Variants in CRPPA observed in about 807,000 individuals in gnomAD.
CRPPA encodes CDP-L-ribitol pyrophosphorylase A, also known as D-ribitol-5-phosphate cytidylyltransferase.
CRPPA carries 43 observed loss-of-function variants against 52.0 expected under a neutral mutation model. The ratio of observed to expected loss-of-function variants is 0.83; its 90% CI spans 0.65 to 1.07. CRPPA has a LOEUF of 1.07. Ranked by LOEUF, CRPPA falls within the 50% of genes least tolerant of loss-of-function variation. The pLI is 0.00. For synonymous variants in CRPPA, 250 were observed against 203.5 expected, an observed-to-expected ratio of 1.23 and a Z score of -1.94; for missense variants, 629 against 551.7, an observed-to-expected ratio of 1.14 and a Z score of -1.40.
intron 9 of CRPPA, among the ~76,000 whole-genome samples, chr7:16,162,466 T>C (rs1173365523): frequency 2.6e-5 from 4 of 152,204 alleles, no homozygotes; most frequent in Non-Finnish European, 5.9e-5. Context: ...GGTTGTTCAG[T>C]TTCCACGTAG....
chr7:16,352,879 GCACACACACA>G (rs56733439), intron 3 of CRPPA, among the ~76,000 whole-genome samples: 3,698 of 142,392 alleles, frequency 0.026, 80 homozygotes, highest in Middle Eastern at 0.056. Flanking sequence ...AAGTAACATG[GCACACACACA>G]CACACACACA....
rs1583472867 is a variant in CRPPA, at chr7:16,258,782, C to G, written c.1026+138G>C. The G allele has an allele frequency of 1.1e-5, 6 of 565,116 alleles. No individual in the cohort carries two copies. In the East Asian group the frequency reaches 1.8e-4, roughly 17 times the overall value. 35.0% of individuals were successfully genotyped at this position (565,116 alleles called of 1,614,324 possible). ...AATTAGCTTGTTGAAAGTATTATTT[C>G]TCTTTCAAAGATAAAATCTCCAAAA... On this transcript the variant is annotated intron_variant, in intron 7 of 9. Coordinates refer to ENST00000407010, the MANE Select transcript of CRPPA (RefSeq NM_001101426.4).
intron 9 of CRPPA, among the ~76,000 whole-genome samples, chr7:16,107,790 C>T (rs1398963682): frequency 6.6e-6 from 1 of 151,808 alleles, no homozygotes; most frequent in Non-Finnish European, 1.5e-5. Flanking sequence ...AAAAACACTA[C>T]TAATAAATAT....
intron 9 of CRPPA, among the ~76,000 whole-genome samples, chr7:16,186,781 TA>T (rs1781512312): frequency 6.7e-6 from 1 of 148,786 alleles, no homozygotes; most frequent in African/African-American, 2.5e-5. Flanking sequence ...AGTTCCCAAA[TA>T]TACACAGAGG....
rs747218920 is a variant in CRPPA, at chr7:16,091,756, A to G, written c.1295T>C (p.Ile432Thr). The change falls in exon 10 of 10, where the codon ATT (isoleucine) becomes ACT (threonine). Residue 432 changes from isoleucine to threonine, a missense_variant. By Grantham distance (89) the Ile-to-Thr change is moderately conservative. Transcript: ENST00000407010. ...LQESLRQGAI[I>T]IASLIKERNS... is the part of the protein sequence containing the mutation. Reference sequence around the variant, plus strand: ...TCTTTCCTTGATTAATGAAGCAATAATGATAGCACCTTGCCTTAAACTCTC... The same window carrying G: ...TCTTTCCTTGATTAATGAAGCAATAGTGATAGCACCTTGCCTTAAACTCTC... 23 of 1,563,654 alleles carry G rather than the reference A, an allele frequency of 1.5e-5. No individual in the cohort carries two copies. Among genetic ancestry groups the G allele is most frequent in the Non-Finnish European group, 2.0e-5 (23 of 1,152,678 alleles).
At chr7:16,363,609 A>G (rs1786514246) in intron 3 of CRPPA, among the ~76,000 whole-genome samples, 1 of 152,178 alleles carries the variant, frequency 6.6e-6, no homozygotes, top group African/African-American at 2.4e-5. Context: ...AAATTTGATA[A>G]AGTCTTTATC....
intron 9 of CRPPA, among the ~76,000 whole-genome samples, chr7:16,172,116 A>T (rs1781200172): frequency 2.0e-5 from 3 of 152,142 alleles, no homozygotes; most frequent in Non-Finnish European, 4.4e-5. Context: ...CCTCCTACAC[A>T]TTCTTTACTT....
chr7:16,419,721 C>A (rs1019469557), intron 1 of CRPPA, among the ~76,000 whole-genome samples: 1 of 152,006 alleles, frequency 6.6e-6, no homozygotes, highest in Admixed American at 6.6e-5. Flanking sequence ...CAGAAGACAC[C>A]AAGAAAACCT....
chr7:16,108,396 T>A (rs1411159640), intron 9 of CRPPA, among the ~76,000 whole-genome samples: 5 of 151,702 alleles, frequency 3.3e-5, no homozygotes, highest in African/African-American at 1.2e-4. Flanking sequence ...TAATAAAGGG[T>A]CAACATAATA....
chr7:16,172,552 G>A (rs1781211201), intron 9 of CRPPA, among the ~76,000 whole-genome samples: 1 of 152,096 alleles, frequency 6.6e-6, no homozygotes, highest in Non-Finnish European at 1.5e-5. Flanking sequence ...TGCCAGTATT[G>A]GAGTACTGAA....
chr7:16,117,548 T>C (rs184463259), intron 9 of CRPPA, among the ~76,000 whole-genome samples: 1 of 152,312 alleles, frequency 6.6e-6, no homozygotes, highest in Non-Finnish European at 1.5e-5. Flanking sequence ...CTCTAGGCTC[T>C]GCTGCAAAAC....
chr7:16,306,157 C>T (rs1216987641), intron 4 of CRPPA, among the ~76,000 whole-genome samples: 2 of 152,282 alleles, frequency 1.3e-5, no homozygotes, highest in East Asian at 3.9e-4. Context: ...TACCCTATTC[C>T]AGCAGGACCT....
intron 8 of CRPPA, among the ~76,000 whole-genome samples, chr7:16,225,885 T>C (rs1644083935): frequency 6.6e-6 from 1 of 151,898 alleles, no homozygotes; most frequent in Admixed American, 6.6e-5. Flanking sequence ...TTTTTAAAAA[T>C]AAATATATTT....
intron 9 of CRPPA, among the ~76,000 whole-genome samples, chr7:16,131,964 G>A (rs181594524): frequency 1.3e-5 from 2 of 152,210 alleles, no homozygotes; most frequent in Non-Finnish European, 2.9e-5. Flanking sequence ...AAGCCAGTAG[G>A]GCAAAGCCTA....
At chr7:16,399,414 A>T (rs1787729053) in intron 2 of CRPPA, among the ~76,000 whole-genome samples, 1 of 113,586 alleles carries the variant, frequency 8.8e-6, no homozygotes, top group Non-Finnish European at 1.7e-5. Flanking sequence ...CACCTTTGTG[A>T]CATGTGACAA....
intron 9 of CRPPA, among the ~76,000 whole-genome samples, chr7:16,101,927 G>A (rs984022772): frequency 5.9e-5 from 9 of 152,008 alleles, no homozygotes; most frequent in African/African-American, 2.2e-4. Context: ...AGCTACCATT[G>A]AATTTTTTCA....
intron 9 of CRPPA, among the ~76,000 whole-genome samples, chr7:16,094,717 G>A (rs1172119698): frequency 1.3e-5 from 2 of 152,020 alleles, no homozygotes; most frequent in Non-Finnish European, 2.9e-5. Context: ...ATACATTCTT[G>A]AAATTATGTG....
Position 16,389,913 on chromosome 7 carries a change from C to CAAAAAAAAAAAAAA in CRPPA, c.535-13686_535-13673dup, listed in dbSNP as rs1163092089. On this transcript the variant is annotated intron_variant, in intron 2 of 9. Coordinates refer to ENST00000407010, the MANE Select transcript of CRPPA (RefSeq NM_001101426.4). Reference sequence around the variant, plus strand: ...GGATACAGAGAACAAGCCTAGTATACAAAAAAAAAAAAAAAATATATATAT... The same window carrying CAAAAAAAAAAAAAA: ...GGATACAGAGAACAAGCCTAGTATACAAAAAAAAAAAAAAAAAAAAAAAAAAAAAATATATATAT... 2.2e-3 allele frequency among the ~76,000 whole-genome samples: 77 copies of CAAAAAAAAAAAAAA among 34,280 alleles called. 1 individual carries two copies. Among genetic ancestry groups the CAAAAAAAAAAAAAA allele is most frequent in the East Asian group, 5.3e-3 (4 of 758 alleles). 22.5% of individuals were successfully genotyped at this position (34,280 alleles called of 152,430 possible). A position where few individuals can be genotyped will look rare whatever the true frequency, so the allele number is the denominator to read the frequency against.
At chr7:16,120,670 G>A (rs1382932163) in intron 9 of CRPPA, among the ~76,000 whole-genome samples, 3 of 152,018 alleles carry the variant, frequency 2.0e-5, no homozygotes, top group African/African-American at 7.2e-5. Flanking sequence ...GTTGAGGCCA[G>A]TCTCTCTCTC....
Sources: gnomAD v4.1 joint callset for allele counts (sites outside exome capture counted in the v4.1 genomes callset) on GRCh38, gnomAD v4.1.1 for gene constraint, MANE v1.5 for transcripts, NCBI Gene and HGNC (gene_info 2026-07-23, HGNC 2026-07-21) for gene names.